Variants in PREX2 observed in about 807,000 individuals in gnomAD.
The protein encoded by PREX2 is phosphatidylinositol-3,4,5-trisphosphate dependent Rac exchange factor 2.
In PREX2, 107 loss-of-function variants were observed where a neutral mutation model predicts 203.2. That is an observed-to-expected ratio of 0.53 (90% CI 0.45 to 0.62). PREX2 has a LOEUF of 0.62. PREX2 is among the 20% of genes least tolerant of loss of function. PREX2 has a pLI of 0.00. For synonymous variants in PREX2, 672 were observed against 663.6 expected (o/e 1.01, Z -0.19); for missense variants, 1,777 against 1,955.9 (o/e 0.91, Z 1.72).
At chr8:68,126,580 C>G (rs917430783) in intron 30 of PREX2, among the ~76,000 whole-genome samples, 1 of 152,042 alleles carries the variant, frequency 6.6e-6, no homozygotes, top group African/African-American at 2.4e-5. Context: ...CATTTCTTTT[C>G]AGTCAATTCT....
At position 68,037,703 on chromosome 8, in the gene PREX2, T is replaced by C. The variant is rs145891186; in HGVS notation, c.706-456T>C. Among the ~76,000 whole-genome samples the C allele has an allele frequency of 3.2e-3, 488 of 152,304 alleles. 4 individuals are homozygous for C. Among genetic ancestry groups the C allele is most frequent in the African/African-American group, 0.011 (473 of 41,570 alleles). On this transcript the variant is annotated intron_variant, in intron 6 of 39. Coordinates refer to ENST00000288368, the MANE Select transcript of PREX2 (RefSeq NM_024870.4). ...TTCTCTTTTTATTTCTTTTCTTTTC[T>C]CCATCCTAGGGGTGGATATATAAAT...
intron 1 of PREX2, among the ~76,000 whole-genome samples, chr8:67,961,264 AT>A (rs1430395873): frequency 1.3e-5 from 2 of 151,916 alleles, no homozygotes; most frequent in Non-Finnish European, 2.9e-5. Context: ...TTTAGTTTGC[AT>A]TATTTCTTTA....
At chr8:68,097,659 C>G (rs1023272987) in intron 22 of PREX2, among the ~76,000 whole-genome samples, 3 of 152,196 alleles carry the variant, frequency 2.0e-5, no homozygotes, top group African/African-American at 7.2e-5. Context: ...CCCTCCTCCA[C>G]TATTTGGTAT....
chr8:68,044,224 A>C (rs1233289921), intron 7 of PREX2, among the ~76,000 whole-genome samples: 1 of 152,096 alleles, frequency 6.6e-6, no homozygotes, highest in Non-Finnish European at 1.5e-5. Context: ...GCAAAAGCAC[A>C]TACTCACTCT....
intron 37 of PREX2, among the ~76,000 whole-genome samples, chr8:68,203,309 AG>A (rs1242170450): frequency 6.6e-6 from 1 of 152,140 alleles, no homozygotes; most frequent in Non-Finnish European, 1.5e-5. Flanking sequence ...ATCAGGATGG[AG>A]GGCTGCTACA....
chr8:68,049,535 G>C (rs886986971), intron 8 of PREX2, among the ~76,000 whole-genome samples: 1 of 152,118 alleles, frequency 6.6e-6, no homozygotes, highest in South Asian at 2.1e-4. Flanking sequence ...TAAGAGCAAG[G>C]AATTTGCAAA....
intron 1 of PREX2, among the ~76,000 whole-genome samples, chr8:67,962,093 C>A (rs142782860): frequency 8.3e-4 from 126 of 152,188 alleles, no homozygotes; most frequent in African/African-American, 2.6e-3. Flanking sequence ...CGGAAAGAGT[C>A]AAATATGGAT....
At position 68,133,996 on chromosome 8, in the gene PREX2, C is replaced by T. The variant is rs1048532436; in HGVS notation, c.3767-63C>T. 3.8e-5 allele frequency: 48 copies of T among 1,250,122 alleles called. No homozygotes were observed. In the African/African-American group the frequency reaches 4.7e-4, roughly 12 times the overall value. The allele number at this position is 1,250,122 out of a possible 1,614,324, so 77.4% of individuals were successfully genotyped here. A position where few individuals can be genotyped will look rare whatever the true frequency, so the allele number is the denominator to read the frequency against. On this transcript the variant is annotated intron_variant, in intron 31 of 39. Coordinates refer to ENST00000288368, the MANE Select transcript of PREX2 (RefSeq NM_024870.4). The stretch of plus-strand genomic sequence containing the variant: ...AATGCTAGTGAATGTAGATGCTGAA[C>T]GCATTGGTTTTCACCATCTGCAACA...
chr8:68,124,196 C>T (rs1187479599), intron 30 of PREX2, among the ~76,000 whole-genome samples: 5 of 152,010 alleles, frequency 3.3e-5, no homozygotes, highest in African/African-American at 7.2e-5. Context: ...CACGTATGTT[C>T]GTTGCAGGAC....
intron 33 of PREX2, among the ~76,000 whole-genome samples, chr8:68,141,195 A>G (rs1419783807): frequency 6.6e-6 from 1 of 152,236 alleles, no homozygotes; most frequent in Non-Finnish European, 1.5e-5. Context: ...AAGTTTGTCT[A>G]TAATTACATT....
chr8:68,091,167 T>C lies in PREX2; in HGVS notation c.2250+452T>C, dbSNP rs1039374711. The stretch of plus-strand genomic sequence containing the variant: ...AAGGTCCATGATTGATTTTGAGGTA[T>C]ATTTATTTAGGTAACTGGATTTAGC... On this transcript the variant is annotated intron_variant, in intron 20 of 39. Transcript: ENST00000288368. Among the ~76,000 whole-genome samples the C allele has an allele frequency of 3.3e-5, 5 of 152,330 alleles. No individual in the cohort carries two copies. The South Asian group carries it at 1.0e-3, about 32-fold the overall frequency.
At chr8:68,187,728 T>G (rs1003905887) in intron 35 of PREX2, among the ~76,000 whole-genome samples, 11 of 152,184 alleles carry the variant, frequency 7.2e-5, no homozygotes, top group African/African-American at 2.7e-4. Context: ...AGATGCCGCC[T>G]CTGTTCCAAG....
At chr8:68,203,096 C>T (rs1812540085) in intron 37 of PREX2, among the ~76,000 whole-genome samples, 1 of 152,148 alleles carries the variant, frequency 6.6e-6, no homozygotes, top group Admixed American at 6.5e-5. Context: ...ACAGACACCC[C>T]TGGGACAGCT....
intron 1 of PREX2, among the ~76,000 whole-genome samples, chr8:67,990,470 T>G (rs1806563894): frequency 6.6e-6 from 1 of 151,762 alleles, no homozygotes; most frequent in South Asian, 2.1e-4. Context: ...GGAATCATTT[T>G]GCCTTTTAAA....
At chr8:67,975,559 C>A (rs906220572) in intron 1 of PREX2, among the ~76,000 whole-genome samples, 2 of 151,724 alleles carry the variant, frequency 1.3e-5, no homozygotes, top group Non-Finnish European at 2.9e-5. Context: ...AAAACGAGAG[C>A]AACAGAATTC....
In PREX2 at chr8:68,227,162, A is replaced by G. The variant is rs555498631; in HGVS notation, c.4775+2536A>G. Among the ~76,000 whole-genome samples the G allele has an allele frequency of 2.0e-5, 3 of 152,328 alleles. No homozygotes were observed. In the South Asian group the frequency reaches 6.2e-4, roughly 32 times the overall value. ...AGAATTTATCTCTGGCAACATCAGG[A>G]TGGCCCATTTGAGGACAGCTAAGAC... is the stretch of plus-strand genomic sequence containing the variant. On this transcript the variant is annotated intron_variant, in intron 39 of 39. Coordinates refer to ENST00000288368, the MANE Select transcript of PREX2 (RefSeq NM_024870.4).
At chr8:68,145,368 A>G (rs1463332120) in intron 33 of PREX2, among the ~76,000 whole-genome samples, 1 of 152,186 alleles carries the variant, frequency 6.6e-6, no homozygotes, top group Non-Finnish European at 1.5e-5. Flanking sequence ...GTGATCATAA[A>G]TGCCATTTAA....
At chr8:68,088,153 T>C (rs1809758750) in intron 19 of PREX2, among the ~76,000 whole-genome samples, 1 of 152,176 alleles carries the variant, frequency 6.6e-6, no homozygotes, top group Non-Finnish European at 1.5e-5. Context: ...AAGTTGTGAG[T>C]TTTTAGGTTT....
intron 6 of PREX2, among the ~76,000 whole-genome samples, chr8:68,035,224 T>G (rs2129610632): frequency 6.6e-6 from 1 of 152,296 alleles, no homozygotes. Flanking sequence ...ATAGTATTTT[T>G]TAAAGATTTA....
Sources: gnomAD v4.1 joint callset for allele counts (sites outside exome capture counted in the v4.1 genomes callset) on GRCh38, gnomAD v4.1.1 for gene constraint, MANE v1.5 for transcripts, NCBI Gene and HGNC (gene_info 2026-07-23, HGNC 2026-07-21) for gene names.